The following ADAM22 variants were observed in gnomAD, a reference collection of about 807,000 sequenced individuals.
ADAM22 encodes the protein ADAM metallopeptidase domain 22.
Under a neutral mutation model 144.6 loss-of-function variants are expected in ADAM22, and 65 were observed. That is an observed-to-expected ratio of 0.45 (90% CI 0.37 to 0.55). The LOEUF (loss-of-function observed/expected upper bound fraction) is 0.55. Ranked by LOEUF, ADAM22 falls within the 20% of genes least tolerant of loss-of-function variation. The pLI, the probability that ADAM22 is intolerant of heterozygous loss-of-function variation, is 0.00. For missense variants in ADAM22, 974 were observed against 1,184.9 expected (o/e 0.82, Z 2.61); for synonymous variants, 391 against 412.6 (o/e 0.95, Z 0.63).
At chr7:88,085,144 G>T (rs898474909) in intron 4 of ADAM22, among the ~76,000 whole-genome samples, 1 of 152,180 alleles carries the variant, frequency 6.6e-6, no homozygotes, top group Non-Finnish European at 1.5e-5. Flanking sequence ...CAATCCACCT[G>T]TAACACCTTC....
chr7:87,934,717 A>G (rs1469160546), intron 1 of ADAM22, 167 bp downstream of exon 1: 2 of 690,084 alleles, frequency 2.9e-6, no homozygotes, highest in Admixed American at 3.1e-5. Context: ...GCAAAAATAT[A>G]TGTGTGGAGG....
At chr7:88,169,028 A>G (rs1361858050) in intron 25 of ADAM22, among the ~76,000 whole-genome samples, 3 of 152,158 alleles carry the variant, frequency 2.0e-5, no homozygotes, top group African/African-American at 7.2e-5. Context: ...TCAAACACTC[A>G]AAGTAGTACC....
intron 2 of ADAM22, among the ~76,000 whole-genome samples, chr7:87,961,945 G>T (rs185314937): frequency 1.1e-4 from 16 of 152,306 alleles, no homozygotes; most frequent in African/African-American, 3.8e-4. Flanking sequence ...GTGAGGGAAT[G>T]AATCATATAA....
chr7:88,039,921 CA>C (rs1802687210), intron 3 of ADAM22, among the ~76,000 whole-genome samples: 1 of 151,798 alleles, frequency 6.6e-6, no homozygotes, highest in Non-Finnish European at 1.5e-5. Flanking sequence ...TTCTTTTTAG[CA>C]CATCTTCCCT....
chr7:88,134,560 T>G, intron 13 of ADAM22, 141 bp downstream of exon 13: 1 of 585,646 alleles, frequency 1.7e-6, no homozygotes. Flanking sequence ...GCGCACAAAC[T>G]GTTGTTTTCC....
chr7:88,083,210 C>G (rs576591106), intron 4 of ADAM22, among the ~76,000 whole-genome samples: 2 of 152,182 alleles, frequency 1.3e-5, no homozygotes, highest in South Asian at 4.2e-4. Context: ...AAGCTGGAAA[C>G]CATCATTCTC....
rs113718112 is a variant in ADAM22 at position 88,192,084 on chromosome 7, T to C, written c.2751-1032T>C. 7.2e-4 allele frequency among the ~76,000 whole-genome samples: 110 copies of C among 152,320 alleles called. 2 individuals are homozygous for C. Among genetic ancestry groups the C allele is most frequent in the South Asian group, 4.8e-3 (23 of 4,826 alleles). The stretch of plus-strand genomic sequence containing the variant: ...CAGTAGATCTTGACCTACCTAGTGC[T>C]ACCCCCGCCCCTCCCACTAACATTC... On this transcript the variant is annotated intron_variant, in intron 30 of 31. Transcript: ENST00000413139.
chr7:87,950,868 T>C (rs1336989954), intron 2 of ADAM22, among the ~76,000 whole-genome samples: 2 of 149,908 alleles, frequency 1.3e-5, no homozygotes, highest in African/African-American at 2.4e-5. Flanking sequence ...GTGGTTTTGA[T>C]TTGCATTTCT....
intron 3 of ADAM22, among the ~76,000 whole-genome samples, chr7:88,057,819 C>T (rs1352104654): frequency 6.6e-6 from 1 of 152,128 alleles, no homozygotes; most frequent in Non-Finnish European, 1.5e-5. Flanking sequence ...GAAAGGTCAC[C>T]TTTTAAGGAC....
chr7:87,953,812 GA>G (rs1161900798), intron 2 of ADAM22, among the ~76,000 whole-genome samples: 7 of 152,172 alleles, frequency 4.6e-5, no homozygotes, highest in African/African-American at 1.7e-4. Context: ...CTTGCTTTAT[GA>G]ATCTGGGTGC....
intron 3 of ADAM22, among the ~76,000 whole-genome samples, chr7:88,025,864 C>T (rs1798910404): frequency 6.6e-6 from 1 of 152,014 alleles, no homozygotes; most frequent in Admixed American, 6.6e-5. Flanking sequence ...TTTTGTGGTT[C>T]CACATAAATT....
At chr7:88,168,506 G>C in intron 25 of ADAM22, 1 of 444,014 alleles carries the variant, frequency 2.3e-6, no homozygotes, top group Non-Finnish European at 4.4e-6. Context: ...GTAAAAACTG[G>C]TAAGTTGTAA....
chr7:88,051,606 C>G (rs373230956), intron 3 of ADAM22, among the ~76,000 whole-genome samples: 1 of 151,766 alleles, frequency 6.6e-6, no homozygotes, highest in African/African-American at 2.4e-5. Flanking sequence ...ATGTAAATGA[C>G]GAGTTAGTGG....
At chr7:88,047,359 C>T (rs1804945870) in intron 3 of ADAM22, among the ~76,000 whole-genome samples, 1 of 152,172 alleles carries the variant, frequency 6.6e-6, no homozygotes, top group Non-Finnish European at 1.5e-5. Context: ...AATCTATCTT[C>T]CAGCAATTAA....
At chr7:88,088,903 C>T (rs1454244284) in intron 4 of ADAM22, among the ~76,000 whole-genome samples, 1 of 151,052 alleles carries the variant, frequency 6.6e-6, no homozygotes, top group Admixed American at 6.6e-5. Flanking sequence ...TGACAGAGTT[C>T]AGTTTATATA....
At chr7:87,989,227 A>G (rs1789176909) in intron 3 of ADAM22, among the ~76,000 whole-genome samples, 1 of 152,218 alleles carries the variant, frequency 6.6e-6, no homozygotes. Context: ...TATTTCTTAG[A>G]TATAAACAAG....
chr7:88,145,254 C>A, intron 16 of ADAM22, 58 bp downstream of exon 16: 1 of 1,576,718 alleles, frequency 6.3e-7, no homozygotes, highest in South Asian at 1.1e-5. Flanking sequence ...ATTCCAGGTC[C>A]ACACACTGAG....
chr7:87,998,673 G>A lies in ADAM22; in HGVS notation c.323+20261G>A, dbSNP rs565898895. Among the ~76,000 whole-genome samples the A allele has an allele frequency of 1.3e-4, 20 of 152,248 alleles. No homozygotes were observed. The South Asian group carries it at 3.9e-3, about 30-fold the overall frequency. On this transcript the variant is annotated intron_variant, in intron 3 of 31. Coordinates refer to ENST00000413139, the MANE Select transcript of ADAM22 (RefSeq NM_001324418.2). ...CAAAGTGCTGGGATTACAGGTGTGAGCCACCACGCCCTGCCGAGAGTCTCC... is the reference window on the plus strand; with the variant it reads ...CAAAGTGCTGGGATTACAGGTGTGAACCACCACGCCCTGCCGAGAGTCTCC...
chr7:88,070,671 A>G (rs1480137629), intron 3 of ADAM22, among the ~76,000 whole-genome samples: 1 of 151,898 alleles, frequency 6.6e-6, no homozygotes, highest in Non-Finnish European at 1.5e-5. Context: ...TTTCACTGTC[A>G]AGTTGTTACT....
Sources: allele counts gnomAD v4.1 joint callset (sites outside exome capture counted in the v4.1 genomes callset), GRCh38; gene constraint gnomAD v4.1.1; transcripts MANE v1.5; gene names NCBI Gene and HGNC (gene_info 2026-07-23, HGNC 2026-07-21).